The following B3GALT1 variants were observed in gnomAD, a reference collection of about 807,000 sequenced individuals.
The protein encoded by B3GALT1 is UDP-Gal:betaGlcNAc beta 1,3-galactosyltransferase, polypeptide 1.
A neutral mutation model predicts 23.2 loss-of-function variants in B3GALT1; 10 were observed. That is an observed-to-expected ratio of 0.43 (90% CI 0.27 to 0.73). The LOEUF (loss-of-function observed/expected upper bound fraction) is 0.73, where lower values mean the gene tolerates loss of function less well. Among genes scored for constraint, B3GALT1 ranks in the 30% least tolerant of loss-of-function variants. The probability of loss-of-function intolerance (pLI) is 0.21; values close to 1 mark genes in which losing one functional copy is unlikely to be tolerated. For synonymous variants in B3GALT1, 156 were observed against 141.5 expected, an observed-to-expected ratio of 1.10 and a Z score of -0.73; for missense variants, 299 against 405.4, an observed-to-expected ratio of 0.74 and a Z score of 2.25.
At chr2:167,556,235 T>G (rs1348080023) in intron 2 of B3GALT1, among the ~76,000 whole-genome samples, 2 of 152,062 alleles carry the variant, frequency 1.3e-5, no homozygotes, top group Non-Finnish European at 2.9e-5. Flanking sequence ...CTTCACATAC[T>G]CAGAGGTTGA....
intron 1 of B3GALT1, among the ~76,000 whole-genome samples, chr2:167,414,809 AT>A (rs1294182299): frequency 6.6e-6 from 1 of 152,196 alleles, no homozygotes; most frequent in East Asian, 1.9e-4. Flanking sequence ...TTTTATCAGT[AT>A]TTCACAAATA....
intron 2 of B3GALT1, among the ~76,000 whole-genome samples, chr2:167,547,502 C>T (rs1683659006): frequency 6.6e-6 from 1 of 152,018 alleles, no homozygotes; most frequent in South Asian, 2.1e-4. Flanking sequence ...CAAGACCAGC[C>T]TGGCCAACAT....
rs139915623 is a variant in B3GALT1 at position 167,598,311 on chromosome 2, A to G, written c.-409-48598A>G. Among the ~76,000 whole-genome samples the G allele has an allele frequency of 6.1e-3, 922 of 152,254 alleles. 6 individuals are homozygous for G. Among genetic ancestry groups the G allele is most frequent in the African/African-American group, 0.021 (876 of 41,536 alleles). On this transcript the variant is annotated intron_variant, in intron 2 of 4. Transcript: ENST00000392690. ...CATACATACACTATATCTAGTATAC[A>G]TGCATTTATATATACATATTGCATA...
chr2:167,774,542 G>C (rs1688129863), intron 3 of B3GALT1, among the ~76,000 whole-genome samples: 2 of 136,182 alleles, frequency 1.5e-5, no homozygotes, highest in African/African-American at 5.4e-5. Flanking sequence ...CTGTCACCCA[G>C]GCTGGAGTGC....
chr2:167,590,955 A>AT lies in B3GALT1; in HGVS notation c.-409-55948dup, dbSNP rs781153195. Among the ~76,000 whole-genome samples the AT allele has an allele frequency of 2.6e-5, 4 of 152,238 alleles. No individual in the cohort carries two copies. In the East Asian group the frequency reaches 7.7e-4, roughly 29 times the overall value. On this transcript the variant is annotated intron_variant, in intron 2 of 4. Transcript: ENST00000392690. ...CTGCTGGCCAGGCATTTATTCATTCATTTTTTATGCATTCTTAAAACACAT... is the reference window on the plus strand; with the variant it reads ...CTGCTGGCCAGGCATTTATTCATTCATTTTTTTATGCATTCTTAAAACACAT...
intron 1 of B3GALT1, among the ~76,000 whole-genome samples, chr2:167,315,455 G>A (rs887077857): frequency 6.6e-6 from 1 of 152,072 alleles, no homozygotes; most frequent in African/African-American, 2.4e-5. Flanking sequence ...ATAAGCAGTA[G>A]TGGTTGTCAC....
At position 167,756,248 on chromosome 2, in the gene B3GALT1, G is replaced by A. The variant is rs576740893; in HGVS notation, c.-351-62424G>A. ...TTCCAACTGCTAAGATATTCCAAAG[G>A]TTATGCGTTAGGTTTTGAGGTAGCC... On this transcript the variant is annotated intron_variant, in intron 3 of 4. Coordinates refer to ENST00000392690, the MANE Select transcript of B3GALT1 (RefSeq NM_020981.4). Among the ~76,000 whole-genome samples, 10 of 152,134 alleles carry A rather than the reference G, an allele frequency of 6.6e-5. No homozygotes were observed. In the South Asian group the frequency reaches 2.1e-3, roughly 32 times the overall value.
At chr2:167,669,394 A>T (rs1686280112) in intron 3 of B3GALT1, among the ~76,000 whole-genome samples, 1 of 152,212 alleles carries the variant, frequency 6.6e-6, no homozygotes, top group Non-Finnish European at 1.5e-5. Context: ...TTCAAGTTAT[A>T]TTGAATATGG....
chr2:167,301,630 A>G (rs1024373607), intron 1 of B3GALT1, among the ~76,000 whole-genome samples: 1 of 152,204 alleles, frequency 6.6e-6, no homozygotes, highest in African/African-American at 2.4e-5. Flanking sequence ...AGCTCACTGC[A>G]ACCTCTGCCT....
chr2:167,631,949 C>T (rs551719626), intron 2 of B3GALT1, among the ~76,000 whole-genome samples: 1 of 151,834 alleles, frequency 6.6e-6, no homozygotes, highest in East Asian at 1.9e-4. Flanking sequence ...TCCCCTACCC[C>T]CCACCCACTG....
At chr2:167,661,507 A>G (rs1686059818) in intron 3 of B3GALT1, among the ~76,000 whole-genome samples, 1 of 152,070 alleles carries the variant, frequency 6.6e-6, no homozygotes, top group African/African-American at 2.4e-5. Context: ...ACTTACTGAC[A>G]TTTGGAACTA....
chr2:167,730,777 G>C (rs1407707677), intron 3 of B3GALT1, among the ~76,000 whole-genome samples: 3 of 152,102 alleles, frequency 2.0e-5, no homozygotes, highest in African/African-American at 7.2e-5. Context: ...TCTGACCATA[G>C]ATTTTGGTCA....
chr2:167,609,582 T>C (rs1267819778), intron 2 of B3GALT1, among the ~76,000 whole-genome samples: 1 of 152,130 alleles, frequency 6.6e-6, no homozygotes, highest in African/African-American at 2.4e-5. Flanking sequence ...ACTACATTGT[T>C]CAAGTCAGTA....
intron 2 of B3GALT1, among the ~76,000 whole-genome samples, chr2:167,638,539 T>C (rs565655159): frequency 6.6e-6 from 1 of 152,142 alleles, no homozygotes; most frequent in East Asian, 1.9e-4. Flanking sequence ...AGAGAACACA[T>C]ACTCCAGTGA....
intron 2 of B3GALT1, among the ~76,000 whole-genome samples, chr2:167,562,384 T>A (rs931352341): frequency 2.0e-5 from 3 of 152,186 alleles, no homozygotes; most frequent in African/African-American, 7.2e-5. Flanking sequence ...GCATTCCCTT[T>A]GAAAACTGGC....
intron 2 of B3GALT1, among the ~76,000 whole-genome samples, chr2:167,573,322 G>A (rs959034031): frequency 6.6e-5 from 10 of 151,650 alleles, no homozygotes; most frequent in Admixed American, 3.3e-4. Flanking sequence ...AAAAATAAAA[G>A]GTATAAACTT....
intron 2 of B3GALT1, among the ~76,000 whole-genome samples, chr2:167,493,540 G>A (rs1205597371): frequency 6.6e-6 from 1 of 152,166 alleles, no homozygotes; most frequent in East Asian, 1.9e-4. Context: ...GTATGGATCT[G>A]GTTAAAAATT....
chr2:167,621,459 A>G (rs960208620), intron 2 of B3GALT1, among the ~76,000 whole-genome samples: 8 of 152,138 alleles, frequency 5.3e-5, no homozygotes, highest in Non-Finnish European at 1.2e-4. Flanking sequence ...GAAAGCAGTC[A>G]TTGATGAACC....
At chr2:167,414,921 A>C (rs79197656) in intron 1 of B3GALT1, among the ~76,000 whole-genome samples, 1 of 152,134 alleles carries the variant, frequency 6.6e-6, no homozygotes, top group Non-Finnish European at 1.5e-5. Flanking sequence ...TTTAACAGAT[A>C]TTTTTCAAAC....
Sources: allele counts gnomAD v4.1 joint callset (sites outside exome capture counted in the v4.1 genomes callset), GRCh38; gene constraint gnomAD v4.1.1; transcripts MANE v1.5; gene names NCBI Gene and HGNC (gene_info 2026-07-23, HGNC 2026-07-21).